SUGCT: variants seen among roughly 807,000 people sequenced by gnomAD.
SUGCT encodes succinyl-CoA:glutarate-CoA transferase, also known as succinyl-CoA:glutarate CoA-transferase.
In SUGCT, 41 loss-of-function variants were observed where a neutral mutation model predicts 55.0. The observed-to-expected ratio is 0.74, with a 90% CI of 0.58 to 0.97. The LOEUF (loss-of-function observed/expected upper bound fraction) is 0.97, where lower values mean the gene tolerates loss of function less well. SUGCT is among the 50% of genes least tolerant of loss of function. The probability of loss-of-function intolerance (pLI) is 0.00; values close to 1 mark genes in which losing one functional copy is unlikely to be tolerated. For synonymous variants in SUGCT, 187 were observed against 200.4 expected, an observed-to-expected ratio of 0.93 and a Z score of 0.56; for missense variants, 568 against 547.8, an observed-to-expected ratio of 1.04 and a Z score of -0.37.
At chr7:40,644,601 C>T (rs1205967409) in intron 12 of SUGCT, among the ~76,000 whole-genome samples, 3 of 152,192 alleles carry the variant, frequency 2.0e-5, no homozygotes, top group Non-Finnish European at 4.4e-5. Flanking sequence ...GTCGGCTCAC[C>T]CACAGGCACT....
At chr7:40,501,170 G>T (rs1464222197) in intron 12 of SUGCT, among the ~76,000 whole-genome samples, 2 of 152,154 alleles carry the variant, frequency 1.3e-5, no homozygotes, top group Non-Finnish European at 2.9e-5. Flanking sequence ...TAAATTTTAT[G>T]TGTGTCTCTG....
intron 13 of SUGCT, among the ~76,000 whole-genome samples, chr7:40,772,546 CT>C (rs1255249075): frequency 6.7e-6 from 1 of 148,174 alleles, no homozygotes; most frequent in Non-Finnish European, 1.5e-5. Flanking sequence ...ATCTATCTAT[CT>C]ATCTATCTAT....
At chr7:40,525,783 G>C (rs1016476627) in intron 12 of SUGCT, among the ~76,000 whole-genome samples, 2 of 152,134 alleles carry the variant, frequency 1.3e-5, no homozygotes, top group African/African-American at 2.4e-5. Context: ...TAAATACTTA[G>C]ACACAATCAT....
chr7:41,022,095 T>G, the SUGCT span, among the ~76,000 whole-genome samples: 2 of 152,166 alleles, frequency 1.3e-5, no homozygotes, highest in Non-Finnish European at 2.9e-5. Context: ...TTCTGAGATG[T>G]AGAAAGCTCA....
intron 1 of SUGCT, among the ~76,000 whole-genome samples, chr7:40,137,002 C>T (rs575036446): frequency 2.6e-5 from 4 of 151,884 alleles, no homozygotes; most frequent in East Asian, 1.9e-4. Flanking sequence ...CATGCCCCCC[C>T]ACCCCACTGG....
At chr7:40,993,155 G>C in the SUGCT span, among the ~76,000 whole-genome samples, 1 of 152,112 alleles carries the variant, frequency 6.6e-6, no homozygotes, top group African/African-American at 2.4e-5. Context: ...TGGATCTTCT[G>C]GTTTGTGGAC....
At chr7:40,683,450 A>C (rs921644522) in intron 12 of SUGCT, among the ~76,000 whole-genome samples, 2 of 152,200 alleles carry the variant, frequency 1.3e-5, no homozygotes, top group Non-Finnish European at 2.9e-5. Context: ...ATAAATATTT[A>C]AATTCCATCA....
chr7:40,843,277 C>T (rs2005766), intron 13 of SUGCT, among the ~76,000 whole-genome samples: 34,711 of 151,680 alleles, frequency 0.23, 5,139 homozygotes, highest in East Asian at 0.8. Context: ...TTTGGGAGGC[C>T]GAGGCGGGCA....
At chr7:40,644,430 C>T (rs975518296) in intron 12 of SUGCT, among the ~76,000 whole-genome samples, 1 of 152,190 alleles carries the variant, frequency 6.6e-6, no homozygotes, top group African/African-American at 2.4e-5. Context: ...TTTTGCTTTT[C>T]CTCACATTGC....
the SUGCT span, among the ~76,000 whole-genome samples, chr7:41,003,966 C>A: frequency 6.6e-6 from 1 of 152,130 alleles, no homozygotes; most frequent in Admixed American, 6.6e-5. Flanking sequence ...GGTATAGATA[C>A]AGTTAAAATA....
At chr7:40,931,096 A>T in the SUGCT span, among the ~76,000 whole-genome samples, 1 of 152,174 alleles carries the variant, frequency 6.6e-6, no homozygotes, top group Non-Finnish European at 1.5e-5. Flanking sequence ...GATACATTCC[A>T]TCCATACCTA....
At chr7:40,506,010 T>C (rs553868444) in intron 12 of SUGCT, among the ~76,000 whole-genome samples, 2 of 152,284 alleles carry the variant, frequency 1.3e-5, no homozygotes, top group South Asian at 4.1e-4. Context: ...TGAAATTGCT[T>C]TTTAAATCAA....
intron 13 of SUGCT, among the ~76,000 whole-genome samples, chr7:40,760,066 T>C (rs1205660586): frequency 6.6e-6 from 1 of 152,184 alleles, no homozygotes; most frequent in African/African-American, 2.4e-5. Flanking sequence ...TTGGGATATA[T>C]ATGCAGATTT....
intron 13 of SUGCT, among the ~76,000 whole-genome samples, chr7:40,788,241 G>A (rs1362289903): frequency 2.0e-5 from 3 of 152,134 alleles, no homozygotes; most frequent in African/African-American, 2.4e-5. Flanking sequence ...CCCCTTCCCC[G>A]GCCAGCATGC....
At chr7:40,229,895 G>C (rs1271347295) in intron 6 of SUGCT, among the ~76,000 whole-genome samples, 1 of 151,288 alleles carries the variant, frequency 6.6e-6, no homozygotes, top group Non-Finnish European at 1.5e-5. Flanking sequence ...AAAATGAGTA[G>C]AGAAATAAAC....
chr7:40,897,677 C>T, the SUGCT span, among the ~76,000 whole-genome samples: 1 of 152,116 alleles, frequency 6.6e-6, no homozygotes, highest in Non-Finnish European at 1.5e-5. Context: ...TCCAACTGAG[C>T]TTGAAGGACT....
At chr7:40,998,066 C>T in the SUGCT span, among the ~76,000 whole-genome samples, 10 of 152,172 alleles carry the variant, frequency 6.6e-5, no homozygotes, top group Non-Finnish European at 1.3e-4. Flanking sequence ...GGACTTAATT[C>T]CGGAATGATT....
chr7:40,894,060 A>G, the SUGCT span, among the ~76,000 whole-genome samples: 1 of 149,138 alleles, frequency 6.7e-6, no homozygotes, highest in South Asian at 2.1e-4. Flanking sequence ...TCTTAAGAAG[A>G]AAAAAAAAAA....
intron 12 of SUGCT, among the ~76,000 whole-genome samples, chr7:40,688,740 T>C (rs1784566635): frequency 6.6e-6 from 1 of 152,178 alleles, no homozygotes; most frequent in Admixed American, 6.5e-5. Flanking sequence ...TTTCTCTGCA[T>C]GTTACACATT....
Sources: allele counts gnomAD v4.1 joint callset (sites outside exome capture counted in the v4.1 genomes callset), GRCh38; gene constraint gnomAD v4.1.1; transcripts MANE v1.5; gene names NCBI Gene and HGNC (gene_info 2026-07-23, HGNC 2026-07-21).